Variants in BET1 observed in about 807,000 individuals in gnomAD.
The protein encoded by BET1 is Bet1 golgi vesicular membrane trafficking protein, also known as BET1 homolog.
Under a neutral mutation model 13.9 loss-of-function variants are expected in BET1, and 9 were observed. The ratio of observed to expected loss-of-function variants is 0.65; its 90% confidence interval spans 0.39 to 1.13. The LOEUF (loss-of-function observed/expected upper bound fraction) is 1.13, where lower values mean the gene tolerates loss of function less well. Among genes scored for constraint, BET1 ranks in the 50% most tolerant of loss-of-function variants. The pLI is 0.01. For synonymous variants in BET1, 39 were observed against 47.3 expected, an observed-to-expected ratio of 0.82 and a Z score of 0.72; for missense variants, 127 against 133.6, an observed-to-expected ratio of 0.95 and a Z score of 0.24.
In BET1 at chr7:93,994,351, C is replaced by G; in HGVS notation, c.236G>C (p.Gly79Ala). The change falls in exon 4 of 4, where the codon GGT becomes GCT. Residue 79 changes from glycine to alanine, a missense_variant. Gly to Ala is a moderately conservative substitution (Grantham distance 60). Transcript: ENST00000222547. Reference sequence around the variant, plus strand: ...AATCTTCAGTTTGCCCATAGTTTTACCTAGAAATCCAGTTGTGGAATCAAA... The same window carrying G: ...AATCTTCAGTTTGCCCATAGTTTTAGCTAGAAATCCAGTTGTGGAATCAAA... ...SQFDSTTGFL[G>A]KTMGKLKILS... is the part of the protein sequence containing the mutation. 1 of 1,613,478 alleles carries G rather than the reference C, an allele frequency of 6.2e-7. No homozygotes were observed. Among genetic ancestry groups the G allele is most frequent in the Non-Finnish European group, 8.5e-7 (1 of 1,179,668 alleles).
chr7:93,972,798 C>G, intron 5 of BET1: 1 of 150,920 alleles, frequency 6.6e-6, no homozygotes, highest in East Asian at 1.9e-4. Context: ...ACATCTTCAA[C>G]ACTTTCCTTA....
At position 93,994,392 on chromosome 7, in the gene BET1, G is replaced by C. The variant is rs774778346; in HGVS notation, c.202-7C>G. On this transcript the variant is annotated splice_polypyrimidine_tract_variant and splice_region_variant and intron_variant, in intron 3 of 3. Transcript: ENST00000222547. The stretch of plus-strand genomic sequence containing the variant: ...TGGAATCAAATTGTGAATCCTATCA[G>C]AGATAAAGGCAAATAAAATATCACA... 1.7e-5 allele frequency: 27 copies of C among 1,608,846 alleles called. No individual in the cohort carries two copies. The highest frequency in any genetic ancestry group is 2.2e-5 in the Non-Finnish European group (26 of 1,177,556).
downstream of BET1, chr7:93,993,170 T>C: frequency 4.1e-6 from 4 of 985,218 alleles, no homozygotes; most frequent in Non-Finnish European, 4.8e-6. Flanking sequence ...CTTTGCTTGA[T>C]TTGGGTTGGA....
chr7:93,981,509 T>C (rs987070895), intron 4 of BET1, among the ~76,000 whole-genome samples: 1 of 152,044 alleles, frequency 6.6e-6, no homozygotes, highest in East Asian at 1.9e-4. Flanking sequence ...GGAAGTAAAT[T>C]TGGGGAAAAC....
downstream of BET1, chr7:93,992,722 G>A (rs1304644605): frequency 1.0e-6 from 1 of 965,680 alleles, no homozygotes; most frequent in African/African-American, 1.8e-5. Context: ...AACATTTATT[G>A]AGTGATTATC....
intron 6 of BET1, among the ~76,000 whole-genome samples, chr7:93,967,446 T>C (rs909858553): frequency 1.1e-4 from 17 of 151,860 alleles, no homozygotes; most frequent in Non-Finnish European, 2.1e-4. Context: ...GTGAAATTCC[T>C]GTGTCATGTG....
At chr7:93,965,563 T>A (rs1348330587) in exon 7 of BET1, 1 of 152,030 alleles carries the variant, frequency 6.6e-6, no homozygotes, top group Non-Finnish European at 1.5e-5. Context: ...GGAAATACAG[T>A]TTGTACCCAA....
chr7:93,975,387 A>G (rs951577919), intron 5 of BET1, among the ~76,000 whole-genome samples: 1 of 152,100 alleles, frequency 6.6e-6, no homozygotes, highest in African/African-American at 2.4e-5. Context: ...GAGAATAGCT[A>G]TCTTTGGAAA....
chr7:93,996,326 AAAG>A lies in BET1; in HGVS notation c.145-8_145-6del. ...ATGGCCTATTTCAATGGAAAGCTAT[AAAG>A]AAGAAGGTATACACAGGATTACTCA... On this transcript the variant is annotated splice_region_variant and splice_polypyrimidine_tract_variant and intron_variant, in intron 2 of 3. Transcript: ENST00000222547. 6.4e-7 allele frequency: 1 copy of A among 1,563,910 alleles called. No individual in the cohort carries two copies. Among genetic ancestry groups the A allele is most frequent in the Non-Finnish European group, 8.7e-7 (1 of 1,150,066 alleles).
At chr7:93,986,358 C>G (rs943611212) in intron 4 of BET1, among the ~76,000 whole-genome samples, 1 of 152,136 alleles carries the variant, frequency 6.6e-6, no homozygotes, top group African/African-American at 2.4e-5. Flanking sequence ...TTATCACTTG[C>G]CTTTCACAAA....
At chr7:93,976,180 G>A in intron 4 of BET1, 1 of 999,426 alleles carries the variant, frequency 1.0e-6, no homozygotes, top group Non-Finnish European at 1.3e-6. Context: ...AGAAGTAAAT[G>A]TACTCTCAGA....
Position 94,004,191 on chromosome 7 carries a change from T to C in BET1, c.19+7A>G. The C allele has an allele frequency of 6.2e-7, 1 of 1,613,996 alleles. No individual in the cohort carries two copies. The highest frequency in any genetic ancestry group is 1.1e-5 in the South Asian group (1 of 91,074). On this transcript the variant is annotated splice_region_variant and intron_variant, in intron 1 of 3. Transcript: ENST00000222547. ...CCCCGAACTTCGAACCTCAGCCCTCTTCTTACCCAGGCCTGCACGCCTCAT... is the reference window on the plus strand; with the variant it reads ...CCCCGAACTTCGAACCTCAGCCCTCCTCTTACCCAGGCCTGCACGCCTCAT...
chr7:93,970,555 T>C (rs1795245146), intron 6 of BET1, among the ~76,000 whole-genome samples: 1 of 151,878 alleles, frequency 6.6e-6, no homozygotes, highest in Non-Finnish European at 1.5e-5. Flanking sequence ...ATTCTTACTC[T>C]GTTGCCTTGT....
rs1310674592 is a variant in BET1, at chr7:93,993,347, C to G, written c.*883G>C. On this transcript the variant is annotated 3_prime_UTR_variant, in exon 4 of 4. Coordinates refer to ENST00000222547, the MANE Select transcript of BET1 (RefSeq NM_005868.6). ...TTAACAATATTTAATATTTTTTACTCAACAGTCTGCCTTTGTGTTTTTCTT... is the reference window on the plus strand; with the variant it reads ...TTAACAATATTTAATATTTTTTACTGAACAGTCTGCCTTTGTGTTTTTCTT... 8.4e-6 allele frequency: 8 copies of G among 950,510 alleles called. No individual in the cohort carries two copies. Among genetic ancestry groups the G allele is most frequent in the Non-Finnish European group, 8.8e-6 (7 of 798,166 alleles). 58.9% of individuals were successfully genotyped at this position (950,510 alleles called of 1,614,324 possible).
intron 4 of BET1, among the ~76,000 whole-genome samples, chr7:93,983,259 C>G (rs1049969308): frequency 6.6e-6 from 1 of 152,186 alleles, no homozygotes; most frequent in Non-Finnish European, 1.5e-5. Flanking sequence ...AACACATCCT[C>G]CCTTTCACTT....
intron 6 of BET1, among the ~76,000 whole-genome samples, chr7:93,971,742 A>G (rs1013830553): frequency 6.6e-6 from 1 of 151,802 alleles, no homozygotes; most frequent in African/African-American, 2.4e-5. Flanking sequence ...CATAGTTATT[A>G]TATTATAGGT....
intron 1 of BET1, chr7:93,999,541 T>G: frequency 2.1e-6 from 1 of 476,688 alleles, no homozygotes; most frequent in Non-Finnish European, 3.8e-6. Flanking sequence ...GATTGCTTAT[T>G]GATTGTCCAG....
At chr7:93,966,237 C>T (rs1275757808) in intron 6 of BET1, among the ~76,000 whole-genome samples, 2 of 151,948 alleles carry the variant, frequency 1.3e-5, no homozygotes, top group Non-Finnish European at 2.9e-5. Flanking sequence ...CTTCTCAACT[C>T]TTCATATCAT....
chr7:93,967,864 G>A (rs1476047465), intron 6 of BET1, among the ~76,000 whole-genome samples: 1 of 151,704 alleles, frequency 6.6e-6, no homozygotes, highest in Non-Finnish European at 1.5e-5. Flanking sequence ...GTAACAATGG[G>A]CATTTCCATT....
Sources: allele counts gnomAD v4.1 joint callset (sites outside exome capture counted in the v4.1 genomes callset), GRCh38; gene constraint gnomAD v4.1.1; transcripts MANE v1.5; gene names NCBI Gene and HGNC (gene_info 2026-07-23, HGNC 2026-07-21).